KDM2A: variants seen among roughly 807,000 people sequenced by gnomAD.
KDM2A encodes lysine demethylase 2A.
KDM2A carries 3 observed loss-of-function variants against 137.3 expected under a neutral mutation model. The ratio of observed to expected loss-of-function variants is 0.02; its 90% confidence interval spans 0.01 to 0.06. The LOEUF (loss-of-function observed/expected upper bound fraction) is 0.06. Among genes scored for constraint, KDM2A ranks in the 10% least tolerant of loss-of-function variants. KDM2A has a pLI of 1.00. For synonymous variants in KDM2A, 512 were observed against 541.5 expected (o/e 0.95, Z 0.76); for missense variants, 738 against 1,510.6 (o/e 0.49, Z 8.48).
intron 2 of KDM2A, among the ~76,000 whole-genome samples, chr11:67,169,380 CTTTT>C (rs1169905276): frequency 7.5e-6 from 1 of 132,632 alleles, no homozygotes. Flanking sequence ...CTTTCTTTTT[CTTTT>C]TTTTTTTTTT....
chr11:67,239,797 T>C (rs1858969860), intron 12 of KDM2A, among the ~76,000 whole-genome samples: 1 of 152,364 alleles, frequency 6.6e-6, no homozygotes, highest in South Asian at 2.1e-4. Context: ...GCCTTCCCTT[T>C]GGCTGGCGCC....
chr11:67,165,866 T>C (rs926692313), intron 2 of KDM2A, among the ~76,000 whole-genome samples: 1 of 152,162 alleles, frequency 6.6e-6, no homozygotes, highest in Admixed American at 6.6e-5. Context: ...CCCTTTAGAT[T>C]TACGGTCAAC....
chr11:67,252,647 C>A (rs763061510), intron 17 of KDM2A, 47 bp from the exon 18 acceptor site: 30 of 1,606,514 alleles, frequency 1.9e-5, no homozygotes, highest in Middle Eastern at 3.3e-4. Flanking sequence ...GATGGGAGCT[C>A]CACTGATCAA....
At chr11:67,139,765 G>A (rs1363920737) in intron 2 of KDM2A, among the ~76,000 whole-genome samples, 4 of 151,972 alleles carry the variant, frequency 2.6e-5, no homozygotes, top group African/African-American at 7.2e-5. Flanking sequence ...TCTGGAGTGC[G>A]CTGGCACGAT....
chr11:67,178,856 G>A (rs1857025975), intron 2 of KDM2A, among the ~76,000 whole-genome samples: 1 of 152,118 alleles, frequency 6.6e-6, no homozygotes, highest in Admixed American at 6.6e-5. Flanking sequence ...GTAAACATTT[G>A]TGTATAAGCT....
chr11:67,126,160 C>A lies in KDM2A; in HGVS notation c.42+4802C>A, dbSNP rs1374670978. ...ACTCAGGAGGCTGAGGCAGGAGAAT[C>A]GCTTGAACCCGCGAGACAGAGGTTG... On this transcript the variant is annotated intron_variant, in intron 2 of 20. Coordinates refer to ENST00000529006, the MANE Select transcript of KDM2A (RefSeq NM_012308.3). Among the ~76,000 whole-genome samples the A allele has an allele frequency of 2.0e-5, 3 of 149,576 alleles. No homozygotes were observed. The Admixed American group carries it at 2.0e-4, about 10-fold the overall frequency.
At chr11:67,155,718 G>A (rs1023016297) in intron 2 of KDM2A, among the ~76,000 whole-genome samples, 1 of 151,508 alleles carries the variant, frequency 6.6e-6, no homozygotes, top group African/African-American at 2.4e-5. Flanking sequence ...CCGGGTTCAA[G>A]CAATTCTCCT....
Position 67,250,211 on chromosome 11 carries a change from TGAC to T in KDM2A, c.2182_2184del (p.Asp728del). On this transcript the variant is annotated inframe_deletion, in exon 17 of 21. Transcript: ENST00000529006. The surrounding 1 kb of genome is among the most constrained non-coding windows in gnomAD (Gnocchi z 7.1). ...CCACTTCCATGCTGCAGCTCATCCA[TGAC>T]CCGGTTTCCCCCCGGGGTATGGTGA... is the stretch of plus-strand genomic sequence containing the variant. 6.2e-7 allele frequency: 1 copy of T among 1,613,896 alleles called. No individual in the cohort carries two copies. The highest frequency in any genetic ancestry group is 8.5e-7 in the Non-Finnish European group (1 of 1,179,858).
At chr11:67,244,385 G>T (rs1241254593) in intron 13 of KDM2A, among the ~76,000 whole-genome samples, 2 of 152,148 alleles carry the variant, frequency 1.3e-5, no homozygotes, top group African/African-American at 4.8e-5. Context: ...CTAAAGAAAT[G>T]AACAAGACTA....
At chr11:67,247,085 T>TTTTTA in intron 15 of KDM2A, among the ~76,000 whole-genome samples, 1 of 91,310 alleles carries the variant, frequency 1.1e-5, no homozygotes, top group Admixed American at 1.1e-4. Flanking sequence ...TTTTTTTTTT[T>TTTTTA]TTTTTTTTTT....
chr11:67,135,326 A>T (rs1389622570), intron 2 of KDM2A, among the ~76,000 whole-genome samples: 1 of 152,106 alleles, frequency 6.6e-6, no homozygotes, highest in Non-Finnish European at 1.5e-5. Flanking sequence ...GGCCTCCAAA[A>T]GTGTTGGGAT....
At chr11:67,164,671 A>G (rs1856701936) in intron 2 of KDM2A, among the ~76,000 whole-genome samples, 1 of 149,748 alleles carries the variant, frequency 6.7e-6, no homozygotes, top group African/African-American at 2.5e-5. Flanking sequence ...CCCAGGCTGG[A>G]GTGTAGTGGC....
chr11:67,174,674 A>G (rs769051704), intron 2 of KDM2A, among the ~76,000 whole-genome samples: 1 of 152,200 alleles, frequency 6.6e-6, no homozygotes, highest in African/African-American at 2.4e-5. Context: ...ATAGTTAATT[A>G]CGACTAAACT....
intron 5 of KDM2A, among the ~76,000 whole-genome samples, chr11:67,195,230 G>A (rs893831780): frequency 5.3e-5 from 8 of 152,020 alleles, no homozygotes; most frequent in South Asian, 2.1e-4. Flanking sequence ...TTAGCCGGGC[G>A]TGGTGGCGCA....
intron 2 of KDM2A, among the ~76,000 whole-genome samples, chr11:67,125,006 C>A (rs1364336711): frequency 6.6e-6 from 1 of 151,234 alleles, no homozygotes. Flanking sequence ...TACAGGCGCC[C>A]GCCGCCACAC....
At chr11:67,168,545 TACACACACAC>T in intron 2 of KDM2A, among the ~76,000 whole-genome samples, 1 of 110,014 alleles carries the variant, frequency 9.1e-6, no homozygotes, top group Admixed American at 9.7e-5. Context: ...TGAATTATAA[TACACACACAC>T]ACACACACAC....
chr11:67,247,045 A>T (rs1289631342), intron 15 of KDM2A, among the ~76,000 whole-genome samples: 2 of 17,504 alleles, frequency 1.1e-4, no homozygotes, highest in African/African-American at 4.5e-4. Context: ...TTTTATATAT[A>T]TATATATATA....
rs1010967837 is a variant in KDM2A at position 67,254,024 on chromosome 11, G to A, written c.3092-179G>A. Among the ~76,000 whole-genome samples the A allele has an allele frequency of 6.6e-6, 1 of 152,212 alleles. No individual in the cohort carries two copies. The highest frequency in any genetic ancestry group is 6.5e-5 in the Admixed American group (1 of 15,288). On this transcript the variant is annotated intron_variant, in intron 19 of 20. Transcript: ENST00000529006. This position sits in a 1 kb window ranked among gnomAD's most constrained non-coding sequence, Gnocchi z 4.7. ...GCTTGAGAAGAAAGAAAACTTGTCT[G>A]GTTTCCTAGAAACTGCCTACACCCA...
At chr11:67,172,588 A>G (rs1856900646) in intron 2 of KDM2A, among the ~76,000 whole-genome samples, 1 of 150,632 alleles carries the variant, frequency 6.6e-6, no homozygotes, top group South Asian at 2.1e-4. Flanking sequence ...GTATATAGAA[A>G]TAGAACTGAT....
Sources: gnomAD v4.1 joint callset for allele counts (sites outside exome capture counted in the v4.1 genomes callset) on GRCh38, gnomAD v4.1.1 for gene constraint, Gnocchi (gnomAD v3.1) non-coding constraint, MANE v1.5 for transcripts, NCBI Gene and HGNC (gene_info 2026-07-23, HGNC 2026-07-21) for gene names.